Variants in TFB1M observed in about 807,000 individuals in gnomAD.
TFB1M encodes transcription factor B1, mitochondrial.
A neutral mutation model predicts 31.1 loss-of-function variants in TFB1M; 27 were observed. The ratio of observed to expected loss-of-function variants is 0.87; its 90% CI spans 0.64 to 1.20. The LOEUF is 1.20. TFB1M is among the 50% of genes most tolerant of loss of function. TFB1M has a pLI of 0.00. For synonymous variants in TFB1M, 166 were observed against 151.8 expected (o/e 1.09, Z -0.69); for missense variants, 394 against 418.7 (o/e 0.94, Z 0.51).
At chr6:155,230,129 G>A in the TFB1M span, among the ~76,000 whole-genome samples, 1 of 151,440 alleles carries the variant, frequency 6.6e-6, no homozygotes, top group African/African-American at 2.4e-5. Context: ...CCTGTAAGCT[G>A]TGTGTCCAGT....
In TFB1M at chr6:155,289,598, C is replaced by G. The variant is rs575173590; in HGVS notation, c.547-4321G>C. 5.9e-5 allele frequency among the ~76,000 whole-genome samples: 9 copies of G among 152,258 alleles called. No homozygotes were observed. The South Asian group carries it at 1.7e-3, about 28-fold the overall frequency. ...TAGAGACAGGAATAAGACGACGGTG[C>G]TCATTTATTTCTGTTTTGTAATTAA... On this transcript the variant is annotated intron_variant, in intron 4 of 6. Transcript: ENST00000367166.
intron 4 of TFB1M, among the ~76,000 whole-genome samples, chr6:155,289,178 T>A (rs1353128882): frequency 6.6e-6 from 1 of 152,100 alleles, no homozygotes; most frequent in Non-Finnish European, 1.5e-5. Flanking sequence ...TGTAAGGTAA[T>A]TAATGGAGAG....
chr6:155,308,917 T>C (rs1316878116), intron 2 of TFB1M, among the ~76,000 whole-genome samples: 2 of 152,166 alleles, frequency 1.3e-5, no homozygotes, highest in Admixed American at 6.6e-5. Flanking sequence ...GTTTTACATA[T>C]TGAAACATTC....
At chr6:155,242,901 A>ATTTT in the TFB1M span, among the ~76,000 whole-genome samples, 1,033 of 131,896 alleles carry the variant, frequency 7.8e-3, 10 homozygotes, top group African/African-American at 0.027. Context: ...ACACCCAGCT[A>ATTTT]TTTTTTTTTT....
At chr6:155,298,775 T>C (rs1050717867) in intron 2 of TFB1M, among the ~76,000 whole-genome samples, 190 bp from the exon 3 acceptor site, 1 of 152,220 alleles carries the variant, frequency 6.6e-6, no homozygotes, top group Non-Finnish European at 1.5e-5. Context: ...CACCTATGAA[T>C]GATTAGGGAT....
At position 155,314,191 on chromosome 6, in the gene TFB1M, C is replaced by T. The variant is rs989073540; in HGVS notation, c.133+105G>A. Reference sequence around the variant, plus strand: ...GAAGGACCTGACCAAAAGCCCGTCGCACGCCAGTGCCTGGACACCCGCCCG... The same window carrying T: ...GAAGGACCTGACCAAAAGCCCGTCGTACGCCAGTGCCTGGACACCCGCCCG... On this transcript the variant is annotated intron_variant, in intron 1 of 6. Coordinates refer to ENST00000367166, the MANE Select transcript of TFB1M (RefSeq NM_016020.4). 7.7e-6 allele frequency: 12 copies of T among 1,559,852 alleles called. No individual in the cohort carries two copies. In the African/African-American group the frequency reaches 1.4e-4, roughly 18 times the overall value.
Position 155,285,236 on chromosome 6 carries a change from G to C in TFB1M, c.588C>G (p.Leu196=), listed in dbSNP as rs761054694. Residue 196 remains leucine, a synonymous_variant, in exon 5 of 7, where the codon CTC becomes CTG. Transcript: ENST00000367166. ...ANTGSKQRSR[L]SVMAQYLCNV... ...TGCAGAGGTACTGAGCCATAACAGAGAGGCGACTACGCTGTTTGCTTCCTG... is the reference window on the plus strand; with the variant it reads ...TGCAGAGGTACTGAGCCATAACAGACAGGCGACTACGCTGTTTGCTTCCTG... 28 of 1,613,932 alleles carry C rather than the reference G, an allele frequency of 1.7e-5. No homozygotes were observed. Among genetic ancestry groups the C allele is most frequent in the Non-Finnish European group, 2.4e-5 (28 of 1,179,926 alleles).
intron 3 of TFB1M, among the ~76,000 whole-genome samples, chr6:155,298,274 G>C (rs1249353090): frequency 6.6e-6 from 1 of 152,182 alleles, no homozygotes; most frequent in Non-Finnish European, 1.5e-5. Context: ...TGAGACAAAT[G>C]AATTAGAACT....
At chr6:155,234,714 C>CTT in the TFB1M span, among the ~76,000 whole-genome samples, 8 of 152,198 alleles carry the variant, frequency 5.3e-5, no homozygotes, top group African/African-American at 1.9e-4. Context: ...CAGTCTTTTG[C>CTT]TTTTAAAGCA....
chr6:155,270,922 C>A (rs1367810516), intron 5 of TFB1M, among the ~76,000 whole-genome samples: 4 of 152,004 alleles, frequency 2.6e-5, no homozygotes, highest in Non-Finnish European at 5.9e-5. Flanking sequence ...GAAATAAAAT[C>A]AAAGAACAAA....
At chr6:155,285,845 T>C (rs1228687898) in intron 4 of TFB1M, among the ~76,000 whole-genome samples, 9 of 152,326 alleles carry the variant, frequency 5.9e-5, no homozygotes, top group Non-Finnish European at 2.9e-5. Flanking sequence ...TGCAATTAAT[T>C]AGGTATATTT....
chr6:155,244,848 G>A, the TFB1M span: 1 of 1,503,288 alleles, frequency 6.7e-7, no homozygotes, highest in Non-Finnish European at 8.9e-7. Flanking sequence ...TCTCTCATGA[G>A]AATTCTCTCA....
At chr6:155,269,532 G>T (rs968862846) in intron 5 of TFB1M, among the ~76,000 whole-genome samples, 1 of 151,960 alleles carries the variant, frequency 6.6e-6, no homozygotes, top group African/African-American at 2.4e-5. Context: ...ATGTTGGCCA[G>T]GCTGCTCTTG....
the TFB1M span, among the ~76,000 whole-genome samples, chr6:155,237,974 C>T: frequency 6.6e-6 from 1 of 152,248 alleles, no homozygotes; most frequent in South Asian, 2.1e-4. Context: ...GCTTAGATTT[C>T]TCTTCAGAAA....
At chr6:155,269,424 C>A (rs1428707017) in intron 5 of TFB1M, among the ~76,000 whole-genome samples, 1 of 149,754 alleles carries the variant, frequency 6.7e-6, no homozygotes, top group African/African-American at 2.5e-5. Context: ...TGGGTTCAAG[C>A]GATTCTCTTG....
At chr6:155,253,389 C>T, downstream of TFB1M, 1 of 261,668 alleles carries the variant, frequency 3.8e-6, no homozygotes, top group South Asian at 6.8e-5. Flanking sequence ...TAGAATATAG[C>T]AGAAAATTCC....
chr6:155,230,593 T>A, the TFB1M span, among the ~76,000 whole-genome samples: 1 of 152,208 alleles, frequency 6.6e-6, no homozygotes, highest in Non-Finnish European at 1.5e-5. Context: ...TCAGGCCTTT[T>A]CTGCCTCAAA....
chr6:155,281,123 TATC>T (rs1785480989), intron 5 of TFB1M, among the ~76,000 whole-genome samples: 1 of 152,242 alleles, frequency 6.6e-6, no homozygotes, highest in African/African-American at 2.4e-5. Context: ...TATTTGTTTA[TATC>T]ATAACAATAA....
chr6:155,293,704 T>C (rs1164906663), intron 4 of TFB1M, among the ~76,000 whole-genome samples: 1 of 152,202 alleles, frequency 6.6e-6, no homozygotes, highest in Non-Finnish European at 1.5e-5. Flanking sequence ...TATTTTTATA[T>C]ATGTCTCTCA....
Sources: gnomAD v4.1 joint callset for allele counts (sites outside exome capture counted in the v4.1 genomes callset) on GRCh38, gnomAD v4.1.1 for gene constraint, MANE v1.5 for transcripts, NCBI Gene and HGNC (gene_info 2026-07-23, HGNC 2026-07-21) for gene names.